Variants in FLRT2 observed in about 807,000 individuals in gnomAD.
The protein encoded by FLRT2 is leucine-rich repeat transmembrane protein FLRT2.
A neutral mutation model predicts 40.0 loss-of-function variants in FLRT2; 15 were observed. That is an observed-to-expected ratio of 0.38 (90% CI 0.25 to 0.58). FLRT2 has a LOEUF of 0.58. FLRT2 is among the 20% of genes least tolerant of loss of function. FLRT2 has a pLI of 0.71. For missense variants in FLRT2, 726 were observed against 840.0 expected (o/e 0.86, Z 1.68); for synonymous variants, 380 against 336.8 (o/e 1.13, Z -1.41).
intron 1 of FLRT2, among the ~76,000 whole-genome samples, chr14:85,556,867 G>A (rs765269440): frequency 1.3e-5 from 2 of 152,170 alleles, no homozygotes; most frequent in Non-Finnish European, 2.9e-5. Context: ...CCAAGACTGG[G>A]AAGAAAAAGA....
At chr14:85,543,932 C>T (rs1041993942) in intron 1 of FLRT2, among the ~76,000 whole-genome samples, 2 of 152,038 alleles carry the variant, frequency 1.3e-5, no homozygotes, top group African/African-American at 4.8e-5. Context: ...CTATCTCGCT[C>T]ATTAGACTTT....
At chr14:85,615,668 C>T (rs1893093309) in intron 1 of FLRT2, among the ~76,000 whole-genome samples, 1 of 52,138 alleles carries the variant, frequency 1.9e-5, no homozygotes, top group Non-Finnish European at 4.0e-5. Flanking sequence ...CTTTGCTAAT[C>T]CCCACACCTT....
rs1490838253 is a variant in FLRT2 at position 85,635,952 on chromosome 14, T to C, written c.*12455T>C. The C allele has an allele frequency of 6.6e-6, 1 of 152,128 alleles. No homozygotes were observed. The highest frequency in any genetic ancestry group is 1.5e-5 in the Non-Finnish European group (1 of 67,976). The allele number at this position is 152,128 out of a possible 1,614,324, so 9.4% of individuals were successfully genotyped here. The stretch of plus-strand genomic sequence containing the variant: ...TTATTAAAGATGTTTATATAATTTT[T>C]ATATAATACACACTTCCAATAATTG... On this transcript the variant is annotated 3_prime_UTR_variant, in exon 2 of 2. Transcript: ENST00000330753.
chr14:85,590,631 G>A (rs934006428), intron 1 of FLRT2, among the ~76,000 whole-genome samples: 6 of 151,808 alleles, frequency 4.0e-5, no homozygotes, highest in South Asian at 2.1e-4. Context: ...ACAGAGTCTC[G>A]CTCTTTCGCC....
intron 1 of FLRT2, among the ~76,000 whole-genome samples, chr14:85,602,637 G>T (rs1193277386): frequency 6.6e-6 from 1 of 152,164 alleles, no homozygotes; most frequent in Non-Finnish European, 1.5e-5. Flanking sequence ...TGGAAAGAGT[G>T]GGCGTAATTT....
rs1043079850 is a variant in FLRT2, at chr14:85,631,827, A to T, written c.*8330A>T. ...GACCTGAAGAACATCTTTTTATTTT[A>T]TTTATTTATTTTTTTTTGAGTTGGA... On this transcript the variant is annotated 3_prime_UTR_variant, in exon 2 of 2. Coordinates refer to ENST00000330753, the MANE Select transcript of FLRT2 (RefSeq NM_013231.6). 6.6e-6 allele frequency: 1 copy of T among 151,910 alleles called. No homozygotes were observed. Among genetic ancestry groups the T allele is most frequent in the Non-Finnish European group, 1.5e-5 (1 of 67,992 alleles). 9.4% of individuals were successfully genotyped at this position (151,910 alleles called of 1,614,324 possible).
chr14:85,555,807 C>T (rs981193366), intron 1 of FLRT2, among the ~76,000 whole-genome samples: 3 of 151,908 alleles, frequency 2.0e-5, no homozygotes, highest in African/African-American at 7.3e-5. Flanking sequence ...CCTCTTGCCT[C>T]AGCCTCCCAA....
chr14:85,644,685 T>G lies in FLRT2; in HGVS notation c.*21188T>G, dbSNP rs904564681. ...ATGTTTGAAGGCAACATATACTAGT[T>G]TTAGATGCGCTGCTTCGATACTTTG... On this transcript the variant is annotated 3_prime_UTR_variant, in exon 2 of 2. Transcript: ENST00000330753. The G allele has an allele frequency of 9.2e-5, 14 of 152,176 alleles. No individual in the cohort carries two copies. Among genetic ancestry groups the G allele is most frequent in the African/African-American group, 3.1e-4 (13 of 41,450 alleles). The allele number at this position is 152,176 out of a possible 1,614,324, so 9.4% of individuals were successfully genotyped here.
rs1894441658 is a variant in FLRT2 at position 85,651,892 on chromosome 14, T to C, written c.*28395T>C. The stretch of plus-strand genomic sequence containing the variant: ...AACACTTTCTTAATTTCCTGAACAA[T>C]AAAAGGAATTTCAAACATATTATTG... On this transcript the variant is annotated 3_prime_UTR_variant, in exon 2 of 2. Transcript: ENST00000330753. The C allele has an allele frequency of 6.6e-6, 1 of 152,032 alleles. No homozygotes were observed. Among genetic ancestry groups the C allele is most frequent in the Non-Finnish European group, 1.5e-5 (1 of 67,962 alleles). The allele number at this position is 152,032 out of a possible 1,614,324, so 9.4% of individuals were successfully genotyped here.
intron 1 of FLRT2, among the ~76,000 whole-genome samples, chr14:85,570,702 C>G (rs1474671948): frequency 3.3e-5 from 5 of 151,806 alleles, no homozygotes; most frequent in Non-Finnish European, 7.4e-5. Context: ...CTGCCTCAGC[C>G]TCCCGAGTAG....
At chr14:85,561,838 G>A (rs1198063190) in intron 1 of FLRT2, among the ~76,000 whole-genome samples, 3 of 152,136 alleles carry the variant, frequency 2.0e-5, no homozygotes, top group Non-Finnish European at 4.4e-5. Context: ...GATAGCCCCG[G>A]TCTTTGGTAA....
chr14:85,579,925 AT>A lies in FLRT2; in HGVS notation c.-376-41191del, dbSNP rs4015970. On this transcript the variant is annotated intron_variant, in intron 1 of 1. Transcript: ENST00000330753. ...GTCATTCCATGCACAGGGTATTAGA[AT>A]TTTTTTTTTTTTTTTTTTTTTTAAA... Among the ~76,000 whole-genome samples, 557 of 117,542 alleles carry A rather than the reference AT, an allele frequency of 4.7e-3. 1 individual carries two copies. The highest frequency in any genetic ancestry group is 9.3e-3 in the South Asian group (32 of 3,450). The allele number at this position is 117,542 out of a possible 152,430, so 77.1% of individuals were successfully genotyped here. A position where few individuals can be genotyped will look rare whatever the true frequency, so the allele number is the denominator to read the frequency against.
chr14:85,543,671 C>T (rs1280164481), intron 1 of FLRT2, among the ~76,000 whole-genome samples: 1 of 152,142 alleles, frequency 6.6e-6, no homozygotes, highest in Non-Finnish European at 1.5e-5. Flanking sequence ...TTGTTCAGCA[C>T]CCATCCCCTG....
At chr14:85,588,679 C>G (rs7153432) in intron 1 of FLRT2, among the ~76,000 whole-genome samples, 50,103 of 151,860 alleles carry the variant, frequency 0.33, 8,919 homozygotes, top group Non-Finnish European at 0.4. Flanking sequence ...TCATCATAGT[C>G]ACCCCGTTGT....
chr14:85,567,698 T>C (rs866698955), intron 1 of FLRT2, among the ~76,000 whole-genome samples: 24 of 140,556 alleles, frequency 1.7e-4, no homozygotes, highest in Middle Eastern at 8.9e-3. Flanking sequence ...TGGAGTGCAG[T>C]GGCACGATCT....
chr14:85,607,998 G>C (rs1335643620), intron 1 of FLRT2, among the ~76,000 whole-genome samples: 3 of 152,068 alleles, frequency 2.0e-5, no homozygotes, highest in Non-Finnish European at 4.4e-5. Flanking sequence ...TCTTCCCTCT[G>C]TGTATGTCTG....
rs1271063794 is a variant in FLRT2 at position 85,631,562 on chromosome 14, C to T, written c.*8065C>T. 3 of 151,912 alleles carry T rather than the reference C, an allele frequency of 2.0e-5. No individual in the cohort carries two copies. Among genetic ancestry groups the T allele is most frequent in the Non-Finnish European group, 2.9e-5 (2 of 68,000 alleles). 9.4% of individuals were successfully genotyped at this position (151,912 alleles called of 1,614,324 possible). A position where few individuals can be genotyped will look rare whatever the true frequency, so the allele number is the denominator to read the frequency against. On this transcript the variant is annotated 3_prime_UTR_variant, in exon 2 of 2. Transcript: ENST00000330753. Reference sequence around the variant, plus strand: ...CCAGATGGCTCTTTTTTTAATAGCCCCAGAAAGAGCTGTGGAGTTCTGACT... The same window carrying T: ...CCAGATGGCTCTTTTTTTAATAGCCTCAGAAAGAGCTGTGGAGTTCTGACT...
intron 1 of FLRT2, among the ~76,000 whole-genome samples, chr14:85,615,120 G>A (rs796744289): frequency 1.5e-4 from 23 of 152,288 alleles, no homozygotes; most frequent in African/African-American, 5.5e-4. Context: ...CACCGTGCAG[G>A]CAGTAGTTGA....
intron 1 of FLRT2, among the ~76,000 whole-genome samples, chr14:85,538,857 T>G (rs1888820954): frequency 6.6e-6 from 1 of 152,188 alleles, no homozygotes; most frequent in African/African-American, 2.4e-5. Context: ...GGTGTCACTC[T>G]TAGCCCCAGC....
Sources: allele counts gnomAD v4.1 joint callset (sites outside exome capture counted in the v4.1 genomes callset), GRCh38; gene constraint gnomAD v4.1.1; transcripts MANE v1.5; gene names NCBI Gene and HGNC (gene_info 2026-07-23, HGNC 2026-07-21).